GOSR2: variants seen among roughly 807,000 people sequenced by gnomAD.
GOSR2 encodes 27 kDa Golgi SNARE protein.
GOSR2 carries 20 observed loss-of-function variants against 27.9 expected under a neutral mutation model. That is an observed-to-expected ratio of 0.72 (90% CI 0.50 to 1.04). GOSR2 has a LOEUF of 1.04. GOSR2 is among the 50% of genes least tolerant of loss of function. The pLI is 0.00. For missense variants in GOSR2, 261 were observed against 270.5 expected (o/e 0.97, Z 0.25); for synonymous variants, 91 against 98.8 (o/e 0.92, Z 0.47).
At chr17:46,974,606 C>A (rs1362166226) in intron 6 of GOSR2, among the ~76,000 whole-genome samples, 1 of 152,054 alleles carries the variant, frequency 6.6e-6, no homozygotes, top group Non-Finnish European at 1.5e-5. Flanking sequence ...TGGTGGCGGG[C>A]GCCTGTAGTC....
chr17:46,946,497 T>G (rs1159369631), downstream of GOSR2, among the ~76,000 whole-genome samples: 3 of 139,570 alleles, frequency 2.1e-5, no homozygotes, highest in Non-Finnish European at 3.2e-5. Context: ...GCCTGGGATA[T>G]TCCCTTTGTG....
downstream of GOSR2, among the ~76,000 whole-genome samples, chr17:46,945,271 G>C (rs1242954309): frequency 1.3e-5 from 2 of 152,186 alleles, no homozygotes; most frequent in Admixed American, 6.5e-5. Context: ...CCGTGTTCCA[G>C]CTGGGAAACT....
intron 6 of GOSR2, among the ~76,000 whole-genome samples, chr17:46,955,019 C>T (rs562069341): frequency 6.6e-6 from 1 of 152,298 alleles, no homozygotes; most frequent in Non-Finnish European, 1.5e-5. Context: ...TTTCCTTCTG[C>T]CTGATTGCCC....
rs188296042 is a variant in GOSR2 at position 46,974,706 on chromosome 17, C to T, written c.616-493C>T. Among the ~76,000 whole-genome samples, 66 of 150,070 alleles carry T rather than the reference C, an allele frequency of 4.4e-4. 1 individual carries two copies. In the East Asian group the frequency reaches 0.011, roughly 25 times the overall value. ...CCCAGATCGCACCACTGCACTCCAG[C>T]CTGGGGGACAGAGCAAGACTCTCTC... On this transcript the variant is annotated intron_variant, in intron 6 of 6. Coordinates refer to the GOSR2 transcript ENST00000640723.
downstream of GOSR2, among the ~76,000 whole-genome samples, chr17:46,971,369 A>G (rs996230587): frequency 2.6e-5 from 4 of 152,094 alleles, no homozygotes; most frequent in Admixed American, 6.5e-5. Flanking sequence ...AAAAAGGAAA[A>G]ATATAATAAG....
At chr17:46,972,233 C>T (rs139429117) in intron 6 of GOSR2, among the ~76,000 whole-genome samples, 6 of 152,202 alleles carry the variant, frequency 3.9e-5, no homozygotes, top group African/African-American at 4.8e-5. Context: ...TCCCGCCACC[C>T]GCTTCTTCCT....
At chr17:46,934,318 C>G (rs1599011571) in intron 4 of GOSR2, among the ~76,000 whole-genome samples, 1 of 152,090 alleles carries the variant, frequency 6.6e-6, no homozygotes, top group African/African-American at 2.4e-5. Context: ...GCCTGAGCAA[C>G]ATGGTGAAAC....
intron 1 of GOSR2, chr17:46,924,144 C>T (rs1181241353): frequency 9.4e-6 from 3 of 318,292 alleles, no homozygotes; most frequent in Non-Finnish European, 1.1e-5. Context: ...TCCAGAACAC[C>T]TAGTAACCTC....
rs1425304897 is a variant in GOSR2 at position 46,938,641 on chromosome 17, T to C, written c.520T>C (p.Leu174=). The C allele has an allele frequency of 6.2e-7, 1 of 1,614,086 alleles. No homozygotes were observed. The highest frequency in any genetic ancestry group is 1.3e-5 in the African/African-American group (1 of 74,930). ...CCTTGACATTGCCAACATGCTGGGCTTGTCCAACACAGTGATGCGGCTCAT... is the reference window on the plus strand; with the variant it reads ...CCTTGACATTGCCAACATGCTGGGCCTGTCCAACACAGTGATGCGGCTCAT... ...KILDIANMLG[L]SNTVMRLIEK... The change falls in exon 6 of 6, where the codon TTG becomes CTG. Residue 174 remains leucine (L), a synonymous_variant. Coordinates refer to ENST00000640051, the MANE Select transcript of GOSR2 (RefSeq NM_004287.5).
At chr17:46,946,289 AAAAAAAAAAAAAAG>A (rs2089869769), downstream of GOSR2, among the ~76,000 whole-genome samples, 1 of 50,180 alleles carries the variant, frequency 2.0e-5, no homozygotes, top group Admixed American at 2.5e-4. Context: ...TACCAAAAAA[AAAAAAAAAAAAAAG>A]AAAAGAAAAA....
chr17:46,932,093 T>G lies in GOSR2; in HGVS notation c.230T>G (p.Val77Gly). Residue 77 changes from valine to glycine, a missense_variant, in exon 4 of 6, where the codon GTC (valine) becomes GGC (glycine). By Grantham distance (109) the Val-to-Gly change is moderately radical. Transcript: ENST00000640051. ...CGGGTTGACCAGTTAAAGTATGATG[T>G]CCAGCACCTGCAGACTGCGCTCAGA... ...RLRVDQLKYDVQHLQTALRNF... is the reference protein window; with the variant it reads ...RLRVDQLKYDGQHLQTALRNF... 2 of 1,613,596 alleles carry G rather than the reference T, an allele frequency of 1.2e-6. No homozygotes were observed. Among genetic ancestry groups the G allele is most frequent in the Non-Finnish European group, 1.7e-6 (2 of 1,179,522 alleles).
intron 3 of GOSR2, chr17:46,931,622 C>A: frequency 3.5e-6 from 1 of 288,854 alleles, no homozygotes. Flanking sequence ...TTTGATACTC[C>A]AGCATGAAAT....
intron 6 of GOSR2, chr17:46,966,385 A>G (rs557912262): frequency 3.6e-6 from 2 of 550,984 alleles, no homozygotes; most frequent in Admixed American, 3.2e-5. Context: ...CACCTCTTCA[A>G]GGCCCTCAGA....
chr17:46,952,163 T>C (rs945821347), intron 6 of GOSR2, among the ~76,000 whole-genome samples: 6 of 152,246 alleles, frequency 3.9e-5, no homozygotes, highest in African/African-American at 1.4e-4. Flanking sequence ...ATCTCGTCTT[T>C]GGACTACAAA....
chr17:46,935,909 C>G, intron 5 of GOSR2: 1 of 985,690 alleles, frequency 1.0e-6, no homozygotes, highest in Non-Finnish European at 1.2e-6. Flanking sequence ...AGGGTGTGGT[C>G]CCCTGTGAAT....
chr17:46,957,516 G>A (rs1382826916), intron 6 of GOSR2, among the ~76,000 whole-genome samples: 1 of 152,182 alleles, frequency 6.6e-6, no homozygotes, highest in Non-Finnish European at 1.5e-5. Context: ...AGGAGGCTGA[G>A]GCAGGAGAAT....
chr17:46,926,929 C>T (rs966787925), intron 1 of GOSR2, among the ~76,000 whole-genome samples: 2 of 152,232 alleles, frequency 1.3e-5, no homozygotes, highest in Non-Finnish European at 2.9e-5. Flanking sequence ...ATTCCTCAAA[C>T]TGCTGGGTCA....
At position 46,926,362 on chromosome 17, in the gene GOSR2, G is replaced by A. The variant is rs536872550; in HGVS notation, c.29+3141G>A. ...GAGGCAGCCTGGATGCAAAGTGGAT[G>A]TTATGGGGTGGTGGGGGGCGGTGAG... On this transcript the variant is annotated intron_variant, in intron 1 of 5. Transcript: ENST00000640051. Among the ~76,000 whole-genome samples, 16 of 152,302 alleles carry A rather than the reference G, an allele frequency of 1.1e-4. No individual in the cohort carries two copies. In the East Asian group the frequency reaches 2.5e-3, roughly 24 times the overall value.
In GOSR2 at chr17:46,931,215, C is replaced by T; in HGVS notation, c.203+8C>T. The T allele has an allele frequency of 1.7e-6, 2 of 1,210,182 alleles. No individual in the cohort carries two copies. Among genetic ancestry groups the T allele is most frequent in the Non-Finnish European group, 2.5e-6 (2 of 810,806 alleles). The allele number at this position is 1,210,182 out of a possible 1,614,324, so 75.0% of individuals were successfully genotyped here. ...AAGGCAAAATGCCAGACTGTAAGTG[C>T]TGACCTCTGACATGGCTCTGATACT... On this transcript the variant is annotated splice_region_variant and intron_variant, in intron 3 of 5. Transcript: ENST00000640051.
Sources: allele counts gnomAD v4.1 joint callset (sites outside exome capture counted in the v4.1 genomes callset), GRCh38; gene constraint gnomAD v4.1.1; transcripts MANE v1.5; gene names NCBI Gene and HGNC (gene_info 2026-07-23, HGNC 2026-07-21).